NCR1: variants seen among roughly 807,000 people sequenced by gnomAD.
NCR1 encodes the protein NK cell-activating receptor.
In NCR1, 30 loss-of-function variants were observed where a neutral mutation model predicts 32.5. That is an observed-to-expected ratio of 0.92 (90% CI 0.69 to 1.25). The LOEUF (loss-of-function observed/expected upper bound fraction) is 1.25, where lower values mean the gene tolerates loss of function less well. Among genes scored for constraint, NCR1 ranks in the 50% most tolerant of loss-of-function variants. The pLI is 0.00. For missense variants in NCR1, 369 were observed against 380.7 expected, an observed-to-expected ratio of 0.97 and a Z score of 0.26; for synonymous variants, 169 against 143.4, an observed-to-expected ratio of 1.18 and a Z score of -1.28.
At chr19:54,902,446 G>A (rs4806459), upstream of NCR1, among the ~76,000 whole-genome samples, 8,512 of 151,766 alleles carry the variant, frequency 0.056, 299 homozygotes, top group Middle Eastern at 0.12. Flanking sequence ...GACTATAGGC[G>A]CACAGCACCA....
chr19:54,919,289 C>G (rs1198732052), downstream of NCR1, among the ~76,000 whole-genome samples: 2 of 152,166 alleles, frequency 1.3e-5, no homozygotes, highest in Admixed American at 6.5e-5. Context: ...CGGTAGTGGC[C>G]CCGAATGTCT....
the NCR1 span, chr19:54,930,352 C>T: frequency 1.1e-5 from 7 of 658,660 alleles, no homozygotes; most frequent in Non-Finnish European, 1.9e-5. Context: ...GAGCCAGCTA[C>T]TCAGGAGGCT....
the NCR1 span, chr19:54,930,458 T>C: frequency 1.4e-6 from 2 of 1,430,704 alleles, no homozygotes; most frequent in East Asian, 2.3e-5. Context: ...CAAGACCCTG[T>C]CTCAAAAAAA....
chr19:54,929,526 A>G, the NCR1 span, among the ~76,000 whole-genome samples: 1 of 152,160 alleles, frequency 6.6e-6, no homozygotes. Context: ...TTGGGGAGAG[A>G]AGTGATGAAG....
downstream of NCR1, among the ~76,000 whole-genome samples, chr19:54,920,191 G>A (rs961112339): frequency 6.6e-6 from 1 of 152,096 alleles, no homozygotes; most frequent in Non-Finnish European, 1.5e-5. Context: ...TGGGCACTTC[G>A]GTTGGTTCCA....
the NCR1 span, among the ~76,000 whole-genome samples, chr19:54,922,917 CAGAG>C: frequency 1.3e-5 from 2 of 150,722 alleles, no homozygotes; most frequent in African/African-American, 4.9e-5. Context: ...GACACAGAGA[CAGAG>C]AGACAAAAAG....
At chr19:54,928,607 G>A in the NCR1 span, among the ~76,000 whole-genome samples, 1 of 152,084 alleles carries the variant, frequency 6.6e-6, no homozygotes, top group South Asian at 2.1e-4. Flanking sequence ...CTAGACTTAT[G>A]CTGGTCATTT....
the NCR1 span, among the ~76,000 whole-genome samples, chr19:54,929,024 G>A: frequency 6.6e-6 from 1 of 152,240 alleles, no homozygotes; most frequent in South Asian, 2.1e-4. Context: ...GGAAATAAAG[G>A]TATCACGGTC....
At chr19:54,930,069 C>G in the NCR1 span, among the ~76,000 whole-genome samples, 52 of 144,630 alleles carry the variant, frequency 3.6e-4, 1 homozygote, top group African/African-American at 1.3e-3. Context: ...AAGCCGAGAT[C>G]GCGCCACTGC....
the NCR1 span, chr19:54,923,861 T>C: frequency 2.4e-5 from 38 of 1,613,980 alleles, no homozygotes; most frequent in South Asian, 3.2e-4. Flanking sequence ...ATTAGTTTCA[T>C]AGGTCTTCAA....
the NCR1 span, chr19:54,938,113 A>T: frequency 8.1e-6 from 13 of 1,613,974 alleles, no homozygotes; most frequent in Non-Finnish European, 1.1e-5. Context: ...AGAGTCACTC[A>T]GGAAGCTTTG....
At chr19:54,937,832 G>A in the NCR1 span, among the ~76,000 whole-genome samples, 4 of 146,402 alleles carry the variant, frequency 2.7e-5, no homozygotes, top group Non-Finnish European at 5.9e-5. Flanking sequence ...GGGAGGTGGA[G>A]GATGCAGTGA....
At chr19:54,910,163 G>C (rs780016593) in intron 5 of NCR1, 98 bp downstream of exon 5, 14 of 1,251,292 alleles carry the variant, frequency 1.1e-5, no homozygotes, top group Admixed American at 3.6e-5. Context: ...GAGGCCAGGC[G>C]TGGTGGCTCA....
At chr19:54,903,619 C>T (rs1476443997), upstream of NCR1, among the ~76,000 whole-genome samples, 2 of 143,314 alleles carry the variant, frequency 1.4e-5, no homozygotes, top group African/African-American at 5.2e-5. Context: ...TGTATATATA[C>T]ATGTACGGTA....
chr19:54,919,709 G>A (rs1244760240), downstream of NCR1, among the ~76,000 whole-genome samples: 1 of 137,532 alleles, frequency 7.3e-6, no homozygotes, highest in East Asian at 2.6e-4. Flanking sequence ...CCCGGGGAAA[G>A]GGAGACCCCC....
the NCR1 span, among the ~76,000 whole-genome samples, chr19:54,932,022 T>C: frequency 2.0e-5 from 3 of 152,176 alleles, no homozygotes; most frequent in African/African-American, 7.2e-5. Context: ...TTTTATTTCA[T>C]GTTTAAGTTT....
intron 3 of NCR1, among the ~76,000 whole-genome samples, chr19:54,908,867 G>T (rs587655369): frequency 2.0e-5 from 3 of 152,070 alleles, no homozygotes; most frequent in Admixed American, 6.6e-5. Flanking sequence ...TGACCCAGGA[G>T]GTCGAGGCTT....
intron 4 of NCR1, 113 bp from the exon 5 acceptor site, chr19:54,909,905 A>AACCTGGGC (rs2067869295): frequency 3.2e-6 from 3 of 943,532 alleles, no homozygotes; most frequent in Non-Finnish European, 4.8e-6. Context: ...ACCGCACTGC[A>AACCTGGGC]ACCTGGGCGA....
intron 5 of NCR1, 45 bp from the exon 6 acceptor site, chr19:54,912,120 TGGA>T (rs2068005016): frequency 6.6e-7 from 1 of 1,510,970 alleles, no homozygotes; most frequent in African/African-American, 1.4e-5. Context: ...AGTGCTGGGG[TGGA>T]GGAGGTCAAA....
Sources: allele counts gnomAD v4.1 joint callset (sites outside exome capture counted in the v4.1 genomes callset), GRCh38; gene constraint gnomAD v4.1.1; transcripts MANE v1.5; gene names NCBI Gene and HGNC (gene_info 2026-07-23, HGNC 2026-07-21).